ZNF385D: variants seen among roughly 807,000 people sequenced by gnomAD.
The protein encoded by ZNF385D is zinc finger protein 659.
ZNF385D carries 15 observed loss-of-function variants against 35.8 expected under a neutral mutation model. The ratio of observed to expected loss-of-function variants is 0.42; its 90% CI spans 0.28 to 0.64. ZNF385D has a LOEUF of 0.64. ZNF385D is among the 30% of genes least tolerant of loss of function. ZNF385D has a pLI of 0.23. For missense variants in ZNF385D, 474 were observed against 494.6 expected (o/e 0.96, Z 0.39); for synonymous variants, 212 against 186.8 (o/e 1.13, Z -1.10).
chr3:21,573,226 T>A (rs1347712396), intron 2 of ZNF385D, among the ~76,000 whole-genome samples: 1 of 152,202 alleles, frequency 6.6e-6, no homozygotes, highest in Admixed American at 6.5e-5. Context: ...TAGAAATCGC[T>A]ATGTAAAAGA....
At chr3:22,041,209 C>T (rs1191084963) in intron 3 of ZNF385D, among the ~76,000 whole-genome samples, 1 of 152,064 alleles carries the variant, frequency 6.6e-6, no homozygotes, top group Non-Finnish European at 1.5e-5. Flanking sequence ...AAGAGAAAAA[C>T]TCTCTGAAAA....
At chr3:22,087,967 A>C (rs552603787) in intron 3 of ZNF385D, among the ~76,000 whole-genome samples, 142 of 152,156 alleles carry the variant, frequency 9.3e-4, no homozygotes, top group Non-Finnish European at 1.7e-3. Flanking sequence ...TGACTGGGAA[A>C]GGTTTAGGGT....
intron 2 of ZNF385D, among the ~76,000 whole-genome samples, chr3:21,572,166 A>G (rs2063354296): frequency 6.6e-6 from 1 of 152,158 alleles, no homozygotes; most frequent in African/African-American, 2.4e-5. Flanking sequence ...GTAATACAAG[A>G]GGTCTAGATA....
chr3:21,692,386 G>A (rs1043392091), intron 1 of ZNF385D, among the ~76,000 whole-genome samples: 8 of 151,998 alleles, frequency 5.3e-5, no homozygotes, highest in African/African-American at 1.7e-4. Context: ...TCCTACCCTC[G>A]GTTAAGCTTT....
chr3:22,217,369 A>T (rs1697953774), intron 2 of ZNF385D, among the ~76,000 whole-genome samples: 1 of 152,040 alleles, frequency 6.6e-6, no homozygotes, highest in South Asian at 2.1e-4. Context: ...GTGAACACAA[A>T]CTTCTTCCTT....
At chr3:21,792,604 T>G (rs1287489065) in intron 3 of ZNF385D, among the ~76,000 whole-genome samples, 1 of 152,102 alleles carries the variant, frequency 6.6e-6, no homozygotes, top group African/African-American at 2.4e-5. Flanking sequence ...AAGACTTTCT[T>G]AGCCCCTAGG....
intron 2 of ZNF385D, among the ~76,000 whole-genome samples, chr3:22,225,445 T>C (rs1178979262): frequency 6.6e-6 from 1 of 152,118 alleles, no homozygotes; most frequent in African/African-American, 2.4e-5. Context: ...TAAATTTCTT[T>C]CCCCACTGAA....
intron 2 of ZNF385D, among the ~76,000 whole-genome samples, chr3:22,302,966 G>A (rs575627641): frequency 9.9e-5 from 15 of 152,112 alleles, no homozygotes; most frequent in East Asian, 7.7e-4. Flanking sequence ...TCATAGAAAC[G>A]TGTAAAATTT....
chr3:21,624,710 T>A (rs1254702280), intron 2 of ZNF385D, among the ~76,000 whole-genome samples: 1 of 152,064 alleles, frequency 6.6e-6, no homozygotes, highest in African/African-American at 2.4e-5. Context: ...TCAAGCAGCA[T>A]GCAGACTTAG....
At chr3:21,960,519 C>A (rs12638980) in intron 3 of ZNF385D, among the ~76,000 whole-genome samples, 103,984 of 151,828 alleles carry the variant, frequency 0.68, 36,762 homozygotes, top group Non-Finnish European at 0.77. Flanking sequence ...TTAGGGAAAA[C>A]AGTGTGGAGA....
intron 3 of ZNF385D, among the ~76,000 whole-genome samples, chr3:22,002,026 C>A (rs1166772448): frequency 1.3e-5 from 2 of 151,242 alleles, no homozygotes; most frequent in African/African-American, 4.9e-5. Flanking sequence ...CAATATAGCT[C>A]AAGGTACTAG....
chr3:21,452,773 C>T (rs980918853), intron 4 of ZNF385D, among the ~76,000 whole-genome samples: 1 of 151,860 alleles, frequency 6.6e-6, no homozygotes, highest in Non-Finnish European at 1.5e-5. Context: ...GTTAAGATGG[C>T]AATACTATCT....
chr3:21,747,526 G>A (rs1012676124), intron 1 of ZNF385D, among the ~76,000 whole-genome samples: 4 of 152,174 alleles, frequency 2.6e-5, no homozygotes, highest in Non-Finnish European at 5.9e-5. Flanking sequence ...CCAACCATGG[G>A]GAATCTGTGT....
intron 3 of ZNF385D, among the ~76,000 whole-genome samples, chr3:22,167,381 G>A (rs1225032116): frequency 1.3e-5 from 2 of 152,144 alleles, no homozygotes; most frequent in Non-Finnish European, 2.9e-5. Flanking sequence ...CATACTGGGG[G>A]AGAAACTACC....
intron 2 of ZNF385D, among the ~76,000 whole-genome samples, chr3:22,227,443 A>G (rs924374750): frequency 1.3e-5 from 2 of 152,220 alleles, no homozygotes; most frequent in Non-Finnish European, 2.9e-5. Context: ...AAGACCAAGA[A>G]GAATCTGAAC....
At chr3:21,493,627 T>C (rs968668818) in intron 4 of ZNF385D, among the ~76,000 whole-genome samples, 1 of 148,536 alleles carries the variant, frequency 6.7e-6, no homozygotes, top group Non-Finnish European at 1.5e-5. Flanking sequence ...TTTAGGTTAA[T>C]GGATTTTTTC....
chr3:21,983,239 G>A (rs536912500), intron 3 of ZNF385D, among the ~76,000 whole-genome samples: 1 of 142,814 alleles, frequency 7.0e-6, no homozygotes, highest in Non-Finnish European at 1.5e-5. Context: ...ATGTATACAT[G>A]TGCCATGCTG....
At chr3:21,796,544 G>T (rs2072160872) in intron 3 of ZNF385D, among the ~76,000 whole-genome samples, 1 of 151,020 alleles carries the variant, frequency 6.6e-6, no homozygotes, top group Admixed American at 6.6e-5. Flanking sequence ...ATATCCACAT[G>T]CAAAAAAAAT....
intron 3 of ZNF385D, among the ~76,000 whole-genome samples, chr3:22,072,457 T>G (rs1282222427): frequency 6.6e-6 from 1 of 152,088 alleles, no homozygotes; most frequent in Non-Finnish European, 1.5e-5. Context: ...CAAGAATCAC[T>G]AGAACTAGAA....
Sources: gnomAD v4.1 joint callset for allele counts (sites outside exome capture counted in the v4.1 genomes callset) on GRCh38, gnomAD v4.1.1 for gene constraint, MANE v1.5 for transcripts, NCBI Gene and HGNC (gene_info 2026-07-23, HGNC 2026-07-21) for gene names.